The following SORCS1 variants were observed in gnomAD, a reference collection of about 807,000 sequenced individuals.
The protein encoded by SORCS1 is VPS10 domain-containing receptor SorCS1.
A neutral mutation model predicts 146.1 loss-of-function variants in SORCS1; 60 were observed. That is an observed-to-expected ratio of 0.41 (90% CI 0.33 to 0.51). The LOEUF is 0.51. Ranked by LOEUF, SORCS1 falls within the 20% of genes least tolerant of loss-of-function variation. The probability of loss-of-function intolerance (pLI) is 0.21; values close to 1 mark genes in which losing one functional copy is unlikely to be tolerated. For missense variants in SORCS1, 1,352 were observed against 1,487.6 expected, an observed-to-expected ratio of 0.91 and a Z score of 1.50; for synonymous variants, 637 against 584.0, an observed-to-expected ratio of 1.09 and a Z score of -1.31.
intron 3 of SORCS1, among the ~76,000 whole-genome samples, chr10:106,801,602 C>T (rs1454630765): frequency 6.8e-6 from 1 of 147,050 alleles, no homozygotes. Context: ...GATCTCGGCT[C>T]ACTGCAAAGC....
At chr10:106,797,386 T>G (rs969697959) in intron 3 of SORCS1, among the ~76,000 whole-genome samples, 2 of 152,114 alleles carry the variant, frequency 1.3e-5, no homozygotes, top group African/African-American at 4.8e-5. Flanking sequence ...AAAAGTAAAC[T>G]ACATGATGTT....
chr10:106,918,702 C>A (rs1189244194), intron 2 of SORCS1, among the ~76,000 whole-genome samples: 2 of 152,172 alleles, frequency 1.3e-5, no homozygotes, highest in Non-Finnish European at 2.9e-5. Context: ...GAAGTTTCAA[C>A]ATCTGGGCTC....
At chr10:106,888,502 G>A (rs1951094465) in intron 2 of SORCS1, among the ~76,000 whole-genome samples, 1 of 152,174 alleles carries the variant, frequency 6.6e-6, no homozygotes, top group African/African-American at 2.4e-5. Context: ...GGAAACCATA[G>A]ATGACCAATA....
At chr10:106,701,996 C>T (rs1193940872) in intron 8 of SORCS1, among the ~76,000 whole-genome samples, 5 of 152,280 alleles carry the variant, frequency 3.3e-5, no homozygotes, top group Middle Eastern at 3.4e-3. Context: ...TTCTGTTTAT[C>T]GCAAATACTC....
chr10:106,766,714 G>T (rs1032477025), intron 4 of SORCS1, among the ~76,000 whole-genome samples: 4 of 152,116 alleles, frequency 2.6e-5, no homozygotes, highest in African/African-American at 9.7e-5. Flanking sequence ...ACCCAACCCT[G>T]CCCCAATAGA....
chr10:106,988,521 CA>C, intron 1 of SORCS1, among the ~76,000 whole-genome samples: 1 of 151,682 alleles, frequency 6.6e-6, no homozygotes, highest in East Asian at 1.9e-4. Flanking sequence ...GCTACTGGGT[CA>C]AAAAGTGAGT....
chr10:106,742,335 C>A (rs1261947014), intron 5 of SORCS1, among the ~76,000 whole-genome samples: 1 of 152,070 alleles, frequency 6.6e-6, no homozygotes, highest in Non-Finnish European at 1.5e-5. Context: ...ACACAAAATC[C>A]ATTTATGTTT....
intron 1 of SORCS1, among the ~76,000 whole-genome samples, chr10:107,027,259 G>A (rs1459531431): frequency 6.6e-6 from 1 of 151,996 alleles, no homozygotes; most frequent in Non-Finnish European, 1.5e-5. Context: ...ATCTGGCTGA[G>A]TGATGTGCCT....
intron 1 of SORCS1, among the ~76,000 whole-genome samples, chr10:107,017,566 C>T (rs1343000251): frequency 6.6e-6 from 1 of 152,194 alleles, no homozygotes; most frequent in African/African-American, 2.4e-5. Context: ...TTTGAGGAAA[C>T]AACAAAAGCA....
intron 3 of SORCS1, among the ~76,000 whole-genome samples, chr10:106,780,356 C>CA (rs1860796420): frequency 6.6e-6 from 1 of 152,150 alleles, no homozygotes. Context: ...TAACTTTGAA[C>CA]AAATAATGTT....
chr10:107,167,936 T>C (rs879467286), upstream of SORCS1, among the ~76,000 whole-genome samples: 2 of 152,178 alleles, frequency 1.3e-5, no homozygotes, highest in Admixed American at 1.3e-4. Flanking sequence ...GTGGACACTC[T>C]GCCCTACAAG....
intron 18 of SORCS1, among the ~76,000 whole-genome samples, chr10:106,641,239 A>G (rs1480078367): frequency 6.6e-6 from 1 of 152,152 alleles, no homozygotes; most frequent in Non-Finnish European, 1.5e-5. Flanking sequence ...GAATTGTGTT[A>G]TGGAGGTATT....
intron 5 of SORCS1, among the ~76,000 whole-genome samples, chr10:106,733,824 C>T (rs1856773807): frequency 6.6e-6 from 1 of 152,096 alleles, no homozygotes; most frequent in African/African-American, 2.4e-5. Flanking sequence ...AGGGATTGGG[C>T]ACCTTTGTTT....
chr10:106,741,554 C>T (rs576119358), intron 5 of SORCS1, among the ~76,000 whole-genome samples: 3 of 152,064 alleles, frequency 2.0e-5, no homozygotes, highest in South Asian at 2.1e-4. Flanking sequence ...GCCAAGATTG[C>T]GTCACTGCAA....
At chr10:106,705,581 C>G (rs150358875) in intron 8 of SORCS1, among the ~76,000 whole-genome samples, 2 of 152,188 alleles carry the variant, frequency 1.3e-5, no homozygotes, top group African/African-American at 4.8e-5. Context: ...CCAAAGGCTT[C>G]AAAGTTGAGC....
chr10:106,946,316 T>A (rs1211093002), intron 2 of SORCS1, among the ~76,000 whole-genome samples: 2 of 152,230 alleles, frequency 1.3e-5, no homozygotes, highest in Non-Finnish European at 2.9e-5. Context: ...TCCAGGTTAG[T>A]ATGTGATATG....
At chr10:106,582,665 T>C (rs1844991263) in intron 24 of SORCS1, among the ~76,000 whole-genome samples, 1 of 152,196 alleles carries the variant, frequency 6.6e-6, no homozygotes, top group Admixed American at 6.6e-5. Context: ...TTAAACAAGG[T>C]AGACGTGTAG....
At chr10:106,724,115 T>C (rs1855977368) in intron 6 of SORCS1, among the ~76,000 whole-genome samples, 2 of 152,220 alleles carry the variant, frequency 1.3e-5, no homozygotes, top group Admixed American at 6.5e-5. Flanking sequence ...ATTTCTGTGA[T>C]TTCTATTGCA....
intron 9 of SORCS1, among the ~76,000 whole-genome samples, chr10:106,690,861 C>A (rs1485759802): frequency 1.3e-5 from 2 of 152,014 alleles, no homozygotes; most frequent in East Asian, 3.9e-4. Context: ...TTGAGAAATC[C>A]GTCTTTCTGT....
Sources: allele counts gnomAD v4.1 joint callset (sites outside exome capture counted in the v4.1 genomes callset), GRCh38; gene constraint gnomAD v4.1.1; transcripts MANE v1.5; gene names NCBI Gene and HGNC (gene_info 2026-07-23, HGNC 2026-07-21).